HLCS: variants seen among roughly 807,000 people sequenced by gnomAD.
The protein encoded by HLCS is holocarboxylase synthetase.
In HLCS, 53 loss-of-function variants were observed where a neutral mutation model predicts 75.0. The observed-to-expected ratio is 0.71, with a 90% CI of 0.57 to 0.89. HLCS has a LOEUF of 0.89. Ranked by LOEUF, HLCS falls within the 40% of genes least tolerant of loss-of-function variation. The pLI is 0.00. For missense variants in HLCS, 966 were observed against 1,074.0 expected (o/e 0.90, Z 1.41); for synonymous variants, 431 against 428.6 (o/e 1.01, Z -0.07).
intron 5 of HLCS, among the ~76,000 whole-genome samples, chr21:36,914,335 G>A (rs1227804700): frequency 1.3e-5 from 2 of 152,184 alleles, no homozygotes; most frequent in African/African-American, 4.8e-5. Context: ...CAACTCCAAA[G>A]GACTTAGGAT....
chr21:36,803,816 C>T (rs73212668), intron 6 of HLCS, among the ~76,000 whole-genome samples: 11,282 of 151,262 alleles, frequency 0.075, 462 homozygotes, highest in African/African-American at 0.094. Context: ...TTTCAGGAAA[C>T]CACCAGGTAG....
At chr21:36,855,584 ATGTTTGTT>A (rs1323068612) in intron 6 of HLCS, among the ~76,000 whole-genome samples, 4 of 150,698 alleles carry the variant, frequency 2.7e-5, no homozygotes, top group Non-Finnish European at 4.4e-5. Context: ...GCAGTACAAA[ATGTTTGTT>A]TGTTTGTAGA....
At chr21:36,803,036 C>T (rs557177942) in intron 6 of HLCS, among the ~76,000 whole-genome samples, 1 of 152,190 alleles carries the variant, frequency 6.6e-6, no homozygotes, top group African/African-American at 2.4e-5. Context: ...GGTCCAGTTC[C>T]TAACCCTGTC....
chr21:36,886,139 T>C (rs952508172), intron 6 of HLCS, among the ~76,000 whole-genome samples: 2 of 151,792 alleles, frequency 1.3e-5, no homozygotes, highest in Admixed American at 6.6e-5. Flanking sequence ...ATTCAAAAGA[T>C]AGGTGCTGTT....
chr21:36,759,842 C>A lies in HLCS; in HGVS notation c.2122-1G>T. The stretch of plus-strand genomic sequence containing the variant: ...GCCACTTCACTCGTAAGTTGATATC[C>A]TAAAGGGAAATCTGCACATTAATTA... On this transcript the variant is annotated splice_acceptor_variant, in intron 8 of 10. Coordinates refer to ENST00000674895, the MANE Select transcript of HLCS (RefSeq NM_001352514.2). LOFTEE classifies it high-confidence loss of function. 6.3e-7 allele frequency: 1 copy of A among 1,582,142 alleles called. No homozygotes were observed. The highest frequency in any genetic ancestry group is 8.7e-7 in the Non-Finnish European group (1 of 1,150,928).
Position 36,781,097 on chromosome 21 carries a change from G to A in HLCS, c.1893-13812C>T, listed in dbSNP as rs553812961. Reference sequence around the variant, plus strand: ...TCAGCGGCAGCATTAGATTCTCATAGGAGCCCTACTGTGAACTGCGCATGC... The same window carrying A: ...TCAGCGGCAGCATTAGATTCTCATAAGAGCCCTACTGTGAACTGCGCATGC... On this transcript the variant is annotated intron_variant, in intron 6 of 10. Transcript: ENST00000674895. 5.3e-5 allele frequency among the ~76,000 whole-genome samples: 8 copies of A among 152,082 alleles called. No homozygotes were observed. In the South Asian group the frequency reaches 1.0e-3, roughly 20 times the overall value.
rs749632952 is a variant in HLCS at position 36,760,575 on chromosome 21, A to C, written c.2122-734T>G. ...CAGCGAGCCGAGATCGTGCCACTGC[A>C]CTCCAGCCCAGGTGACAGGGCGAGA... is the stretch of plus-strand genomic sequence containing the variant. On this transcript the variant is annotated intron_variant, in intron 8 of 10. Transcript: ENST00000674895. 3.4e-3 allele frequency among the ~76,000 whole-genome samples: 517 copies of C among 150,848 alleles called. 4 individuals carry two copies. Among genetic ancestry groups the C allele is most frequent in the Admixed American group, 5.3e-3 (80 of 15,044 alleles).
chr21:36,788,390 T>TGA (rs771734189), intron 6 of HLCS, among the ~76,000 whole-genome samples: 51 of 152,356 alleles, frequency 3.3e-4, no homozygotes, highest in Non-Finnish European at 5.6e-4. Flanking sequence ...AACTTAGGGC[T>TGA]GACGGGCCTC....
At chr21:36,879,029 G>C (rs1439898865) in intron 6 of HLCS, among the ~76,000 whole-genome samples, 1 of 142,784 alleles carries the variant, frequency 7.0e-6, no homozygotes, top group Non-Finnish European at 1.5e-5. Context: ...AGACCGAATG[G>C]TAAAAATCTA....
intron 5 of HLCS, among the ~76,000 whole-genome samples, chr21:36,916,719 G>A (rs2065949948): frequency 6.6e-6 from 1 of 151,850 alleles, no homozygotes; most frequent in African/African-American, 2.4e-5. Flanking sequence ...ATACACATGT[G>A]CTTTATAAAT....
intron 1 of HLCS, among the ~76,000 whole-genome samples, chr21:36,984,419 C>T (rs2069188367): frequency 6.6e-6 from 1 of 152,086 alleles, no homozygotes; most frequent in South Asian, 2.1e-4. Flanking sequence ...CACTGTGATA[C>T]CACAACAGTC....
intron 6 of HLCS, among the ~76,000 whole-genome samples, chr21:36,805,073 C>T (rs938415598): frequency 5.3e-5 from 8 of 152,132 alleles, no homozygotes; most frequent in African/African-American, 7.2e-5. Context: ...TGAAGGATTC[C>T]GACTTTCCAC....
chr21:36,770,216 G>A (rs2090185237), intron 6 of HLCS, among the ~76,000 whole-genome samples: 1 of 145,128 alleles, frequency 6.9e-6, no homozygotes, highest in Non-Finnish European at 1.5e-5. Flanking sequence ...CATGAATCTC[G>A]GGTCACTGCA....
chr21:36,961,235 C>A (rs1401375443), intron 2 of HLCS, among the ~76,000 whole-genome samples: 1 of 152,172 alleles, frequency 6.6e-6, no homozygotes, highest in Non-Finnish European at 1.5e-5. Flanking sequence ...TGGTGATATA[C>A]CCCAGCCACT....
intron 6 of HLCS, among the ~76,000 whole-genome samples, chr21:36,850,894 C>T (rs1203694234): frequency 6.6e-6 from 1 of 152,136 alleles, no homozygotes; most frequent in Admixed American, 6.5e-5. Context: ...GCCAGGGAAG[C>T]AAAGGGAGAG....
chr21:36,925,368 C>T (rs2066355827), intron 5 of HLCS, among the ~76,000 whole-genome samples: 1 of 152,170 alleles, frequency 6.6e-6, no homozygotes, highest in South Asian at 2.1e-4. Flanking sequence ...CCGTTGGCCA[C>T]GATGAACACC....
At chr21:36,876,391 T>A (rs562350990) in intron 6 of HLCS, among the ~76,000 whole-genome samples, 2 of 152,300 alleles carry the variant, frequency 1.3e-5, no homozygotes, top group African/African-American at 4.8e-5. Flanking sequence ...TACATCAACT[T>A]ACAGCAAACT....
intron 1 of HLCS, among the ~76,000 whole-genome samples, chr21:36,979,954 A>T (rs528964044): frequency 7.5e-6 from 1 of 133,264 alleles, no homozygotes; most frequent in Non-Finnish European, 1.6e-5. Context: ...ACTCCTGGGG[A>T]GGTCGAGGCT....
chr21:36,850,597 C>T lies in HLCS; in HGVS notation c.1892+46263G>A, dbSNP rs114276523. Among the ~76,000 whole-genome samples the T allele has an allele frequency of 6.5e-3, 983 of 150,888 alleles. 11 individuals carry two copies. Among genetic ancestry groups the T allele is most frequent in the African/African-American group, 0.024 (947 of 40,162 alleles). Reference sequence around the variant, plus strand: ...CACACACGCATGCCTGTCCTTAGCGCCTTGAGTCCGGAGACCCCTGTTCCT... The same window carrying T: ...CACACACGCATGCCTGTCCTTAGCGTCTTGAGTCCGGAGACCCCTGTTCCT... On this transcript the variant is annotated intron_variant, in intron 6 of 10. Transcript: ENST00000674895.
Sources: gnomAD v4.1 joint callset for allele counts (sites outside exome capture counted in the v4.1 genomes callset) on GRCh38, gnomAD v4.1.1 for gene constraint, MANE v1.5 for transcripts, NCBI Gene and HGNC (gene_info 2026-07-23, HGNC 2026-07-21) for gene names.